Variants in CNTN6 observed in about 807,000 individuals in gnomAD.
CNTN6 encodes the protein contactin 6.
CNTN6 carries 137 observed loss-of-function variants against 122.8 expected under a neutral mutation model. The ratio of observed to expected loss-of-function variants is 1.12; its 90% CI spans 0.97 to 1.29. CNTN6 has a LOEUF of 1.29. Among genes scored for constraint, CNTN6 ranks in the 50% most tolerant of loss-of-function variants. CNTN6 has a pLI of 0.00. For missense variants in CNTN6, 1,634 were observed against 1,223.4 expected (o/e 1.34, Z -5.01); for synonymous variants, 570 against 426.0 (o/e 1.34, Z -4.16).
At chr3:1,188,498 A>G (rs895890025) in intron 2 of CNTN6, among the ~76,000 whole-genome samples, 1 of 152,216 alleles carries the variant, frequency 6.6e-6, no homozygotes, top group African/African-American at 2.4e-5. Flanking sequence ...GTGATACTGC[A>G]TATACGGAAT....
intron 1 of CNTN6, among the ~76,000 whole-genome samples, chr3:1,115,703 G>C (rs971545891): frequency 3.9e-5 from 6 of 152,198 alleles, no homozygotes; most frequent in Non-Finnish European, 8.8e-5. Flanking sequence ...AGTGAGCTGA[G>C]ATAGTGCCAC....
chr3:1,100,812 T>C (rs2090849701), intron 1 of CNTN6, among the ~76,000 whole-genome samples: 1 of 152,168 alleles, frequency 6.6e-6, no homozygotes, highest in Non-Finnish European at 1.5e-5. Flanking sequence ...ATAGTTTCTC[T>C]CCCATTCTTA....
At chr3:1,167,179 C>T (rs2093271322) in intron 2 of CNTN6, among the ~76,000 whole-genome samples, 1 of 151,998 alleles carries the variant, frequency 6.6e-6, no homozygotes, top group Admixed American at 6.6e-5. Context: ...ACAAAAACAC[C>T]TTGGTTCATA....
At chr3:1,105,392 G>A (rs1359589938) in intron 1 of CNTN6, among the ~76,000 whole-genome samples, 1 of 151,988 alleles carries the variant, frequency 6.6e-6, no homozygotes, top group Non-Finnish European at 1.5e-5. Flanking sequence ...TTATGCTCAG[G>A]AAGTTCATCA....
intron 9 of CNTN6, among the ~76,000 whole-genome samples, chr3:1,326,361 G>A (rs190435374): frequency 4.4e-4 from 67 of 151,884 alleles, no homozygotes; most frequent in African/African-American, 1.5e-3. Context: ...ATTCCTTTAT[G>A]TAAATGAAGA....
intron 5 of CNTN6, among the ~76,000 whole-genome samples, chr3:1,283,110 C>T (rs1342292608): frequency 6.6e-6 from 1 of 152,000 alleles, no homozygotes; most frequent in Non-Finnish European, 1.5e-5. Flanking sequence ...GTAGCTGGGA[C>T]TACAGGTGCA....
intron 1 of CNTN6, among the ~76,000 whole-genome samples, chr3:1,141,510 C>T (rs2092607872): frequency 6.6e-6 from 1 of 152,140 alleles, no homozygotes. Flanking sequence ...TTCTACTGCC[C>T]TGTACTTGAA....
chr3:1,197,423 C>A (rs1009977542), intron 2 of CNTN6, among the ~76,000 whole-genome samples: 4 of 152,152 alleles, frequency 2.6e-5, no homozygotes, highest in Admixed American at 6.5e-5. Context: ...CCAGGGGTGC[C>A]ATTGTTTAAA....
chr3:1,153,116 G>A (rs1367694987), intron 2 of CNTN6, among the ~76,000 whole-genome samples: 1 of 152,188 alleles, frequency 6.6e-6, no homozygotes, highest in East Asian at 1.9e-4. Context: ...ATGGGTTAAG[G>A]ACTTTTATAT....
intron 2 of CNTN6, among the ~76,000 whole-genome samples, chr3:1,157,658 T>A (rs2093005777): frequency 6.6e-6 from 1 of 152,190 alleles, no homozygotes; most frequent in Non-Finnish European, 1.5e-5. Context: ...CGTCCCAGTT[T>A]CCTTCCTAGC....
intron 6 of CNTN6, among the ~76,000 whole-genome samples, chr3:1,296,404 C>G (rs889978947): frequency 8.5e-5 from 13 of 152,098 alleles, no homozygotes; most frequent in African/African-American, 3.1e-4. Flanking sequence ...GTAGCTTAGT[C>G]AAGTCATGGC....
intron 2 of CNTN6, among the ~76,000 whole-genome samples, chr3:1,197,265 T>C (rs1481109143): frequency 6.6e-6 from 1 of 152,202 alleles, no homozygotes. Flanking sequence ...AATCTTTGGC[T>C]GGTCATTGAG....
chr3:1,400,099 G>A (rs981827250), intron 20 of CNTN6, among the ~76,000 whole-genome samples: 4 of 152,046 alleles, frequency 2.6e-5, no homozygotes, highest in Non-Finnish European at 4.4e-5. Context: ...TCAAAACTAT[G>A]AAAGAAATAG....
chr3:1,314,296 G>A (rs1457331000), intron 7 of CNTN6, among the ~76,000 whole-genome samples: 1 of 151,998 alleles, frequency 6.6e-6, no homozygotes, highest in Non-Finnish European at 1.5e-5. Context: ...ATTCTTTGCT[G>A]GTTTTGTTAT....
In CNTN6 at chr3:1,374,490, G is replaced by A. The variant is rs573352876; in HGVS notation, c.2095+417G>A. ...TCTATTTCTCAACTCTGAACTAGTT[G>A]TAGCTTCACTGAGCAGTAGTATAAA... On this transcript the variant is annotated intron_variant, in intron 16 of 22. Transcript: ENST00000446702. 1.6e-4 allele frequency among the ~76,000 whole-genome samples: 25 copies of A among 152,202 alleles called. No individual in the cohort carries two copies. The South Asian group carries it at 5.2e-3, about 32-fold the overall frequency.
chr3:1,193,972 GT>G (rs796107968), intron 2 of CNTN6, among the ~76,000 whole-genome samples: 2 of 151,972 alleles, frequency 1.3e-5, no homozygotes, highest in Admixed American at 6.6e-5. Context: ...TTTTATCTAT[GT>G]TTTTTTTCCC....
chr3:1,345,050 T>A (rs568111810), intron 11 of CNTN6, among the ~76,000 whole-genome samples: 5 of 152,164 alleles, frequency 3.3e-5, no homozygotes. Flanking sequence ...ATCCACTGAT[T>A]AAATCTTTGA....
chr3:1,391,595 G>A (rs1694155950), intron 20 of CNTN6, among the ~76,000 whole-genome samples: 1 of 150,224 alleles, frequency 6.7e-6, no homozygotes, highest in African/African-American at 2.5e-5. Flanking sequence ...TATTCAATTA[G>A]GAAAAGAGGA....
At chr3:1,100,608 C>T (rs2090836565) in intron 1 of CNTN6, among the ~76,000 whole-genome samples, 1 of 152,100 alleles carries the variant, frequency 6.6e-6, no homozygotes, top group Admixed American at 6.5e-5. Flanking sequence ...TTTATTTTCT[C>T]CTTCAGGAAT....
Sources: allele counts gnomAD v4.1 joint callset (sites outside exome capture counted in the v4.1 genomes callset), GRCh38; gene constraint gnomAD v4.1.1; transcripts MANE v1.5; gene names NCBI Gene and HGNC (gene_info 2026-07-23, HGNC 2026-07-21).